Variants in MCPH1 observed in about 807,000 individuals in gnomAD.
MCPH1 encodes the protein microcephalin.
MCPH1 carries 104 observed loss-of-function variants against 84.5 expected under a neutral mutation model. That is an observed-to-expected ratio of 1.23 (90% CI 1.05 to 1.45). The LOEUF (loss-of-function observed/expected upper bound fraction) is 1.45. MCPH1 is among the 40% of genes most tolerant of loss of function. The pLI is 0.00. For missense variants in MCPH1, 1,498 were observed against 1,005.7 expected (o/e 1.49, Z -6.62); for synonymous variants, 514 against 366.8 (o/e 1.40, Z -4.58).
chr8:6,434,955 G>C (rs1040778845), intron 4 of MCPH1, among the ~76,000 whole-genome samples: 1 of 152,180 alleles, frequency 6.6e-6, no homozygotes, highest in Non-Finnish European at 1.5e-5. Context: ...GAAGTCAATG[G>C]GCAGTTCCAA....
intron 12 of MCPH1, among the ~76,000 whole-genome samples, chr8:6,525,755 G>A (rs1442933761): frequency 6.6e-6 from 1 of 151,910 alleles, no homozygotes; most frequent in African/African-American, 2.4e-5. Context: ...TATAGCTGTT[G>A]ATGAAAAAAA....
chr8:6,542,261 G>A lies in MCPH1; in HGVS notation c.2214+42332G>A, dbSNP rs151307848. ...TGTATATCTGTCTAGAGACATATAT[G>A]CATACATTTGTCTACACATGTGAGG... On this transcript the variant is annotated intron_variant, in intron 12 of 13. Transcript: ENST00000344683. Among the ~76,000 whole-genome samples, 72 of 152,102 alleles carry A rather than the reference G, an allele frequency of 4.7e-4. No homozygotes were observed. The East Asian group carries it at 0.013, about 27-fold the overall frequency.
rs148188492 is a variant in MCPH1 at position 6,454,592 on chromosome 8, A to G, written c.1826-551A>G. 6.6e-4 allele frequency among the ~76,000 whole-genome samples: 101 copies of G among 152,358 alleles called. No homozygotes were observed. The South Asian group carries it at 0.015, about 23-fold the overall frequency. On this transcript the variant is annotated intron_variant, in intron 8 of 13. Coordinates refer to ENST00000344683, the MANE Select transcript of MCPH1 (RefSeq NM_024596.5). ...AGAGGTTAGCATCTAAGGAAACCAC[A>G]TTTCACTTGAATGAGTATCCTTTTG...
intron 13 of MCPH1, chr8:6,626,427 A>C (rs1832080138): frequency 1.0e-6 from 1 of 982,184 alleles, no homozygotes; most frequent in East Asian, 1.2e-4. Context: ...TTGATGAATC[A>C]TTCAACCAGA....
chr8:6,515,031 T>C (rs954106252), intron 12 of MCPH1, among the ~76,000 whole-genome samples: 1 of 152,202 alleles, frequency 6.6e-6, no homozygotes, highest in Admixed American at 6.5e-5. Flanking sequence ...ATGACTCACT[T>C]GTCATCATCT....
At chr8:6,442,559 T>C (rs763831366) in intron 7 of MCPH1, among the ~76,000 whole-genome samples, 1 of 152,188 alleles carries the variant, frequency 6.6e-6, no homozygotes, top group East Asian at 1.9e-4. Flanking sequence ...AGATCGTCAA[T>C]TGAGGAGATA....
At chr8:6,447,569 A>T (rs1804581235) in intron 8 of MCPH1, 1 of 394,742 alleles carries the variant, frequency 2.5e-6, no homozygotes, top group Non-Finnish European at 3.5e-6. Flanking sequence ...GTTTTTTTTG[A>T]GACATAGTCT....
chr8:6,477,689 C>G (rs1239993846), intron 10 of MCPH1, 58 bp downstream of exon 10: 1 of 1,456,606 alleles, frequency 6.9e-7, no homozygotes, highest in Admixed American at 1.7e-5. Flanking sequence ...CTCTCTTATA[C>G]TCTAATTCTG....
At chr8:6,421,704 G>A (rs1321712060) in intron 3 of MCPH1, among the ~76,000 whole-genome samples, 1 of 152,120 alleles carries the variant, frequency 6.6e-6, no homozygotes, top group Non-Finnish European at 1.5e-5. Flanking sequence ...TGGATCCTGT[G>A]GCAGAGACCT....
Position 6,563,975 on chromosome 8 carries a change from A to AT in MCPH1, c.2215-57479_2215-57478insT, listed in dbSNP as rs1563134628. Among the ~76,000 whole-genome samples, 74 of 137,168 alleles carry AT rather than the reference A, an allele frequency of 5.4e-4. 1 individual carries two copies. Among genetic ancestry groups the AT allele is most frequent in the African/African-American group, 1.9e-3 (71 of 37,890 alleles). 90.0% of individuals were successfully genotyped at this position (137,168 alleles called of 152,430 possible). On this transcript the variant is annotated intron_variant, in intron 12 of 13. Transcript: ENST00000344683. ...TGCCTGTGTAGAAAGAGGAATACAA[A>AT]CTTTTTTTTTTTTTTTTTTTTTTTG... is the stretch of plus-strand genomic sequence containing the variant.
chr8:6,407,094 C>A (rs751581557), intron 1 of MCPH1: 1 of 325,040 alleles, frequency 3.1e-6, no homozygotes. Context: ...GCTTTCACCC[C>A]TGCTGCCTTA....
chr8:6,426,998 A>G (rs1344581605), intron 3 of MCPH1, among the ~76,000 whole-genome samples: 3 of 152,346 alleles, frequency 2.0e-5, no homozygotes, highest in East Asian at 1.9e-4. Flanking sequence ...CACAGTGTGT[A>G]TTAACACACA....
chr8:6,603,810 A>T (rs1234437064), intron 12 of MCPH1, among the ~76,000 whole-genome samples: 1 of 152,228 alleles, frequency 6.6e-6, no homozygotes, highest in Non-Finnish European at 1.5e-5. Flanking sequence ...CATCAAGTCA[A>T]TACTCTGTAT....
At chr8:6,451,433 T>C (rs1029759083) in intron 8 of MCPH1, among the ~76,000 whole-genome samples, 2 of 152,276 alleles carry the variant, frequency 1.3e-5, no homozygotes, top group Non-Finnish European at 2.9e-5. Context: ...ACAGTCAAGA[T>C]ACTTTACACA....
chr8:6,413,960 G>T (rs1226335774), intron 2 of MCPH1, among the ~76,000 whole-genome samples: 4 of 151,948 alleles, frequency 2.6e-5, no homozygotes, highest in African/African-American at 9.7e-5. Context: ...TTTCCATGTT[G>T]GCCAGGCTAG....
chr8:6,520,480 C>T (rs777840358), intron 12 of MCPH1, among the ~76,000 whole-genome samples: 14 of 152,278 alleles, frequency 9.2e-5, no homozygotes, highest in Non-Finnish European at 1.9e-4. Context: ...ACCGCATCCT[C>T]CTCCTCCCAG....
At chr8:6,551,958 C>G (rs1255949620) in intron 12 of MCPH1, among the ~76,000 whole-genome samples, 1 of 152,184 alleles carries the variant, frequency 6.6e-6, no homozygotes, top group African/African-American at 2.4e-5. Flanking sequence ...TAATAAAACT[C>G]TAATACTTCA....
chr8:6,534,256 C>T (rs1404736255), intron 12 of MCPH1, among the ~76,000 whole-genome samples: 28 of 152,014 alleles, frequency 1.8e-4, no homozygotes. Flanking sequence ...TAAAACAATA[C>T]AGTATAGCAA....
intron 12 of MCPH1, chr8:6,508,649 G>T (rs1012326144): frequency 5.2e-6 from 3 of 580,782 alleles, no homozygotes; most frequent in Non-Finnish European, 9.1e-6. Context: ...AAGCACAAAC[G>T]CAGGAGAGCT....
Sources: allele counts gnomAD v4.1 joint callset (sites outside exome capture counted in the v4.1 genomes callset), GRCh38; gene constraint gnomAD v4.1.1; transcripts MANE v1.5; gene names NCBI Gene and HGNC (gene_info 2026-07-23, HGNC 2026-07-21).